The following DDR2 variants were observed in gnomAD, a reference collection of about 807,000 sequenced individuals.
DDR2 encodes the protein discoidin domain-containing receptor 2.
DDR2 carries 27 observed loss-of-function variants against 94.9 expected under a neutral mutation model. The ratio of observed to expected loss-of-function variants is 0.28; its 90% CI spans 0.21 to 0.39. DDR2 has a LOEUF of 0.39. DDR2 is among the 10% of genes least tolerant of loss of function. DDR2 has a pLI of 1.00. For synonymous variants in DDR2, 382 were observed against 377.2 expected, an observed-to-expected ratio of 1.01 and a Z score of -0.15; for missense variants, 783 against 1,076.0, an observed-to-expected ratio of 0.73 and a Z score of 3.81.
At chr1:162,635,522 C>T (rs1656772053) in intron 1 of DDR2, among the ~76,000 whole-genome samples, 1 of 152,176 alleles carries the variant, frequency 6.6e-6, no homozygotes, top group African/African-American at 2.4e-5. Flanking sequence ...TGTGCCAGCT[C>T]ACATAAATGG....
chr1:162,639,815 A>T (rs1657034614), intron 1 of DDR2, among the ~76,000 whole-genome samples: 1 of 152,232 alleles, frequency 6.6e-6, no homozygotes, highest in African/African-American at 2.4e-5. Flanking sequence ...AGTACTTCGA[A>T]TTCTGAATTT....
intron 2 of DDR2, among the ~76,000 whole-genome samples, chr1:162,667,040 GTCTA>G (rs10593700): frequency 0.047 from 7,092 of 151,174 alleles, 545 homozygotes; most frequent in African/African-American, 0.16. Context: ...ATTCATATAT[GTCTA>G]TCTATCTATC....
chr1:162,640,701 A>G (rs1657086709), intron 1 of DDR2, among the ~76,000 whole-genome samples: 1 of 152,190 alleles, frequency 6.6e-6, no homozygotes, highest in African/African-American at 2.4e-5. Context: ...AACTTAAATG[A>G]TATTATTTTA....
chr1:162,721,028 C>T (rs1661394426), intron 3 of DDR2, among the ~76,000 whole-genome samples: 1 of 152,204 alleles, frequency 6.6e-6, no homozygotes, highest in African/African-American at 2.4e-5. Context: ...CAGATCCTAA[C>T]TTGGGTACCA....
chr1:162,647,020 A>G (rs1273121570), intron 1 of DDR2, among the ~76,000 whole-genome samples: 2 of 152,174 alleles, frequency 1.3e-5, no homozygotes, highest in Non-Finnish European at 2.9e-5. Flanking sequence ...TGAAGGGGCA[A>G]TTGTCAAGAA....
chr1:162,739,586 C>T (rs142957203), intron 3 of DDR2, among the ~76,000 whole-genome samples: 4 of 152,178 alleles, frequency 2.6e-5, no homozygotes, highest in African/African-American at 9.6e-5. Flanking sequence ...GGATTACAGG[C>T]GTGAGCCACC....
chr1:162,666,125 G>C (rs1025408077), intron 2 of DDR2, among the ~76,000 whole-genome samples: 7 of 152,192 alleles, frequency 4.6e-5, no homozygotes, highest in Non-Finnish European at 1.0e-4. Context: ...AAAGGGCACT[G>C]TTAGAAGGAG....
chr1:162,714,430 G>A (rs528539965), intron 2 of DDR2, among the ~76,000 whole-genome samples: 1 of 151,960 alleles, frequency 6.6e-6, no homozygotes, highest in Admixed American at 6.6e-5. Context: ...GCTCATTTTT[G>A]TGAGGTGTAG....
chr1:162,761,878 C>A (rs1412410880), intron 9 of DDR2, among the ~76,000 whole-genome samples: 1 of 152,184 alleles, frequency 6.6e-6, no homozygotes, highest in Non-Finnish European at 1.5e-5. Context: ...ATATTTGTTT[C>A]ACCCATTCCT....
In DDR2 at chr1:162,653,674, C is replaced by A. The variant is rs566124749; in HGVS notation, c.-191-1537C>A. On this transcript the variant is annotated intron_variant, in intron 1 of 17. Transcript: ENST00000367921. ...TGATGATAGTGAGTGTTTCAAGAAC[C>A]AGGAGAGGCTGGTTGTTGTAAACAT... is the stretch of plus-strand genomic sequence containing the variant. 5.3e-5 allele frequency among the ~76,000 whole-genome samples: 8 copies of A among 152,100 alleles called. No homozygotes were observed. The South Asian group carries it at 1.5e-3, about 28-fold the overall frequency.
intron 2 of DDR2, among the ~76,000 whole-genome samples, chr1:162,693,819 G>A: frequency 6.6e-6 from 1 of 152,162 alleles, no homozygotes; most frequent in Non-Finnish European, 1.5e-5. Flanking sequence ...TAAGCGCAAA[G>A]GCCCTGCATT....
intron 9 of DDR2, among the ~76,000 whole-genome samples, chr1:162,763,626 T>C (rs1364123003): frequency 1.3e-5 from 2 of 152,110 alleles, no homozygotes; most frequent in Non-Finnish European, 2.9e-5. Flanking sequence ...GCACCCGACG[T>C]GGAATCAACC....
At position 162,718,970 on chromosome 1, in the gene DDR2, G is replaced by A. The variant is rs553228576; in HGVS notation, c.-27-67G>A. The A allele has an allele frequency of 7.7e-4, 1,118 of 1,458,406 alleles. 3 individuals carry two copies. Among genetic ancestry groups the A allele is most frequent in the Middle Eastern group, 6.1e-3 (35 of 5,748 alleles). 90.3% of individuals were successfully genotyped at this position (1,458,406 alleles called of 1,614,324 possible). A position where few individuals can be genotyped will look rare whatever the true frequency, so the allele number is the denominator to read the frequency against. ...GTGAGAATTGTACTCATTCATGTTG[G>A]CAGTATCTGCCTCACTCATTTCCTC... is the stretch of plus-strand genomic sequence containing the variant. On this transcript the variant is annotated intron_variant, in intron 2 of 17. Transcript: ENST00000367921.
At chr1:162,740,070 T>G (rs1217912927) in intron 3 of DDR2, among the ~76,000 whole-genome samples, 2 of 152,208 alleles carry the variant, frequency 1.3e-5, no homozygotes, top group Admixed American at 1.3e-4. Context: ...TTACCTCTTT[T>G]TTTAAATAAA....
chr1:162,707,550 T>C (rs1660717372), intron 2 of DDR2, among the ~76,000 whole-genome samples: 1 of 152,212 alleles, frequency 6.6e-6, no homozygotes, highest in Non-Finnish European at 1.5e-5. Flanking sequence ...GCACCAACCC[T>C]GCAGCCATGG....
At chr1:162,648,729 G>C (rs958950582) in intron 1 of DDR2, among the ~76,000 whole-genome samples, 1 of 152,200 alleles carries the variant, frequency 6.6e-6, no homozygotes, top group South Asian at 2.1e-4. Context: ...AGAAAAGCCA[G>C]AGGGATGTGG....
rs1390943853 is a variant in DDR2 at position 162,782,528 on chromosome 1, T to C, written c.*2282T>C. 1 of 152,188 alleles carries C rather than the reference T, an allele frequency of 6.6e-6. No homozygotes were observed. The highest frequency in any genetic ancestry group is 1.5e-5 in the Non-Finnish European group (1 of 68,034). The allele number at this position is 152,188 out of a possible 1,614,324, so 9.4% of individuals were successfully genotyped here. A position where few individuals can be genotyped will look rare whatever the true frequency, so the allele number is the denominator to read the frequency against. ...CCACACTCCACTTTCAAGATATGTA[T>C]TAGCTTCATTAGAATTAAAGGGACT... On this transcript the variant is annotated 3_prime_UTR_variant, in exon 18 of 18. Coordinates refer to ENST00000367921, the MANE Select transcript of DDR2 (RefSeq NM_006182.4).
intron 2 of DDR2, among the ~76,000 whole-genome samples, chr1:162,686,051 A>G (rs1392529689): frequency 6.6e-6 from 1 of 152,132 alleles, no homozygotes; most frequent in South Asian, 2.1e-4. Context: ...AGCTTTTTAT[A>G]GGTTCTGAAT....
At chr1:162,699,580 C>T (rs989233906) in intron 2 of DDR2, among the ~76,000 whole-genome samples, 4 of 152,206 alleles carry the variant, frequency 2.6e-5, no homozygotes, top group Non-Finnish European at 5.9e-5. Flanking sequence ...ATGGTTTCTA[C>T]ACACTGTCCA....
Sources: gnomAD v4.1 joint callset for allele counts (sites outside exome capture counted in the v4.1 genomes callset) on GRCh38, gnomAD v4.1.1 for gene constraint, MANE v1.5 for transcripts, NCBI Gene and HGNC (gene_info 2026-07-23, HGNC 2026-07-21) for gene names.